The following ITPA variants were observed in gnomAD, a reference collection of about 807,000 sequenced individuals.
ITPA encodes inosine triphosphate pyrophosphatase.
In ITPA, 29 loss-of-function variants were observed where a neutral mutation model predicts 29.6. That is an observed-to-expected ratio of 0.98 (90% confidence interval 0.73 to 1.34). ITPA has a LOEUF of 1.34. ITPA is among the 40% of genes most tolerant of loss of function. The pLI, the probability that ITPA is intolerant of heterozygous loss-of-function variation, is 0.00. For missense variants in ITPA, 241 were observed against 251.5 expected, an observed-to-expected ratio of 0.96 and a Z score of 0.28; for synonymous variants, 103 against 99.3, an observed-to-expected ratio of 1.04 and a Z score of -0.22.
chr20:3,217,179 C>T (rs556087808), intron 5 of ITPA, among the ~76,000 whole-genome samples: 82 of 152,308 alleles, frequency 5.4e-4, no homozygotes, highest in African/African-American at 1.9e-3. Flanking sequence ...CCGCACCCAT[C>T]CTTATGTGCT....
chr20:3,212,890 C>T (rs1047927614), intron 1 of ITPA, among the ~76,000 whole-genome samples: 4 of 151,942 alleles, frequency 2.6e-5, no homozygotes, highest in Admixed American at 1.3e-4. Context: ...AGGAGGATGG[C>T]TAGGGTTTCT....
At chr20:3,204,651 A>G (rs1456867023), upstream of ITPA, 3 of 1,559,474 alleles carry the variant, frequency 1.9e-6, no homozygotes, top group Admixed American at 1.9e-5. Context: ...GTGCAGAACC[A>G]CTGCGTCCAC....
At chr20:3,216,157 GTTTTTTTT>G (rs71331043) in intron 5 of ITPA, among the ~76,000 whole-genome samples, 1 of 109,286 alleles carries the variant, frequency 9.2e-6, no homozygotes, top group South Asian at 3.1e-4. Context: ...CGCTGGCTAA[GTTTTTTTT>G]TTTTTTTTTT....
Position 3,212,164 on chromosome 20 carries a change from C to A in ITPA, c.67-1005C>A, listed in dbSNP as rs768105171. Among the ~76,000 whole-genome samples, 48 of 148,166 alleles carry A rather than the reference C, an allele frequency of 3.2e-4. 1 individual carries two copies. Among genetic ancestry groups the A allele is most frequent in the Non-Finnish European group, 1.1e-4 (7 of 66,164 alleles). On this transcript the variant is annotated intron_variant, in intron 1 of 7. Coordinates refer to ENST00000380113, the MANE Select transcript of ITPA (RefSeq NM_033453.4). ...CCAGCCTGGGTGACAGAGAGAGAGA[C>A]CCTCTCTCAAAAAAAAATAAAATAC...
rs375335280 is a variant in ITPA, at chr20:3,214,078, C to T, written c.263+20C>T. On this transcript the variant is annotated intron_variant, in intron 4 of 7. Coordinates refer to ENST00000380113, the MANE Select transcript of ITPA (RefSeq NM_033453.4). Reference sequence around the variant, plus strand: ...CTACATGTGAGTGACTACCTCCACCCCCTTACAGGGCGTCAGGCCCAAAAC... The same window carrying T: ...CTACATGTGAGTGACTACCTCCACCTCCTTACAGGGCGTCAGGCCCAAAAC... The T allele has an allele frequency of 1.2e-6, 2 of 1,612,428 alleles. No homozygotes were observed. The highest frequency in any genetic ancestry group is 8.5e-7 in the Non-Finnish European group (1 of 1,178,418).
intron 5 of ITPA, among the ~76,000 whole-genome samples, chr20:3,216,078 C>T (rs1163154651): frequency 6.6e-6 from 1 of 152,014 alleles, no homozygotes; most frequent in African/African-American, 2.4e-5. Flanking sequence ...GCAACCTCTG[C>T]CTCCCTGGTT....
intron 5 of ITPA, among the ~76,000 whole-genome samples, chr20:3,216,788 A>G (rs1318666644): frequency 2.6e-5 from 4 of 151,380 alleles, no homozygotes; most frequent in African/African-American, 9.7e-5. Context: ...GAGTTTCGCC[A>G]TGTTGGCCAG....
intron 6 of ITPA, among the ~76,000 whole-genome samples, chr20:3,220,054 A>C (rs1400385960): frequency 2.0e-5 from 3 of 148,144 alleles, no homozygotes; most frequent in Non-Finnish European, 3.0e-5. Flanking sequence ...AAAAAAAAAA[A>C]AAAAAAAACA....
chr20:3,204,499 C>G (rs558742654), upstream of ITPA: 24 of 1,535,774 alleles, frequency 1.6e-5, no homozygotes, highest in African/African-American at 3.0e-4. Flanking sequence ...GGCCAGAAAA[C>G]CCGGTACCAC....
chr20:3,205,078 C>A (rs1442708840), upstream of ITPA, among the ~76,000 whole-genome samples: 1 of 152,050 alleles, frequency 6.6e-6, no homozygotes, highest in Non-Finnish European at 1.5e-5. Context: ...TCTCGAACTC[C>A]TGACCTTGTG....
At chr20:3,226,051 TAAGTAA>T (rs1451240371), downstream of ITPA, among the ~76,000 whole-genome samples, 1 of 152,134 alleles carries the variant, frequency 6.6e-6, no homozygotes, top group African/African-American at 2.4e-5. This position sits in a 1 kb window ranked among gnomAD's most constrained non-coding sequence, Gnocchi z 4.4. Flanking sequence ...CTGCTAAATA[TAAGTAA>T]ATGTTTCCCT....
chr20:3,220,371 G>A (rs992609798), intron 6 of ITPA, among the ~76,000 whole-genome samples: 12 of 152,004 alleles, frequency 7.9e-5, no homozygotes, highest in African/African-American at 2.9e-4. Flanking sequence ...TCAGCCTGCC[G>A]AGTAGCTGGG....
At chr20:3,223,327 T>C (rs771782697) in intron 7 of ITPA, 39 bp from the exon 8 acceptor site, 1 of 1,510,160 alleles carries the variant, frequency 6.6e-7, no homozygotes, top group Non-Finnish European at 9.2e-7. Context: ...ACTTCCTTCC[T>C]GAATCTGGGC....
At chr20:3,227,383 G>T (rs1045900847), downstream of ITPA, 3 of 262,422 alleles carry the variant, frequency 1.1e-5, no homozygotes, top group Admixed American at 4.7e-5. Context: ...CAGAGTGGGG[G>T]TGGAGTGGCA....
downstream of ITPA, among the ~76,000 whole-genome samples, chr20:3,224,482 C>T (rs114340656): frequency 0.023 from 3,463 of 152,320 alleles, 127 homozygotes; most frequent in African/African-American, 0.079. Flanking sequence ...TCTGGAGAGG[C>T]CCCTGCCGTC....
chr20:3,214,943 G>C (rs910526421), intron 4 of ITPA, among the ~76,000 whole-genome samples: 7 of 152,026 alleles, frequency 4.6e-5, no homozygotes, highest in African/African-American at 7.2e-5. Flanking sequence ...GGAGTGCAGT[G>C]GTGTGATCAC....
chr20:3,204,666 AGGCCG>A (rs772855890), upstream of ITPA: 5 of 1,545,016 alleles, frequency 3.2e-6, no homozygotes, highest in Non-Finnish European at 3.5e-6. Context: ...GTCCACCCTG[AGGCCG>A]GGATCTCATA....
upstream of ITPA, among the ~76,000 whole-genome samples, chr20:3,206,979 A>G (rs2067075668): frequency 6.6e-6 from 1 of 152,114 alleles, no homozygotes; most frequent in African/African-American, 2.4e-5. Context: ...ACACCACTGT[A>G]CTTCAGCCTG....
chr20:3,225,273 C>G (rs115675587), downstream of ITPA, among the ~76,000 whole-genome samples: 287 of 152,238 alleles, frequency 1.9e-3, 2 homozygotes, highest in African/African-American at 6.6e-3. Flanking sequence ...CTCAGAAACT[C>G]CACACTGATG....
Sources: allele counts gnomAD v4.1 joint callset (sites outside exome capture counted in the v4.1 genomes callset), GRCh38; gene constraint gnomAD v4.1.1; non-coding constraint Gnocchi (gnomAD v3.1); transcripts MANE v1.5; gene names NCBI Gene and HGNC (gene_info 2026-07-23, HGNC 2026-07-21).